UGT1A6: variants seen among roughly 807,000 people sequenced by gnomAD.
The protein encoded by UGT1A6 is UDP-glucuronosyltransferase 1A6.
UGT1A6 carries 32 observed loss-of-function variants against 44.4 expected under a neutral mutation model. The observed-to-expected ratio is 0.72, with a 90% CI of 0.54 to 0.97. The LOEUF (loss-of-function observed/expected upper bound fraction) is 0.97, where lower values mean the gene tolerates loss of function less well. Ranked by LOEUF, UGT1A6 falls within the 50% of genes least tolerant of loss-of-function variation. UGT1A6 has a pLI of 0.00. For missense variants in UGT1A6, 685 were observed against 661.9 expected, an observed-to-expected ratio of 1.03 and a Z score of -0.38; for synonymous variants, 238 against 248.5, an observed-to-expected ratio of 0.96 and a Z score of 0.40.
At chr2:233,735,560 T>C (rs1442054621) in intron 1 of UGT1A6, among the ~76,000 whole-genome samples, 1 of 152,236 alleles carries the variant, frequency 6.6e-6, no homozygotes, top group African/African-American at 2.4e-5. Flanking sequence ...ATTATGGTGT[T>C]ATCGGGTTAT....
intron 1 of UGT1A6, among the ~76,000 whole-genome samples, chr2:233,761,822 T>C (rs1451181524): frequency 6.6e-6 from 1 of 152,180 alleles, no homozygotes; most frequent in Non-Finnish European, 1.5e-5. Context: ...AGAGGCTCCT[T>C]CAGATGGAGC....
intron 1 of UGT1A6, chr2:233,747,945 G>T (rs1354187104): frequency 6.2e-7 from 1 of 1,613,364 alleles, no homozygotes; most frequent in East Asian, 2.2e-5. Flanking sequence ...GGAGGTGTCA[G>T]TGGTGGATCT....
chr2:233,712,808 G>A (rs1409482775), intron 1 of UGT1A6, among the ~76,000 whole-genome samples: 1 of 152,192 alleles, frequency 6.6e-6, no homozygotes, highest in Non-Finnish European at 1.5e-5. Context: ...CTTTCCCAGG[G>A]TGGGGCCCAT....
At chr2:233,766,684 A>G (rs935932983) in intron 1 of UGT1A6, among the ~76,000 whole-genome samples, 1 of 152,094 alleles carries the variant, frequency 6.6e-6, no homozygotes, top group Non-Finnish European at 1.5e-5. Flanking sequence ...TCCCTTCTGT[A>G]TCACTGATGC....
chr2:233,763,429 C>G (rs192488384), intron 1 of UGT1A6, among the ~76,000 whole-genome samples: 230 of 152,268 alleles, frequency 1.5e-3, no homozygotes, highest in South Asian at 0.014. Context: ...CAGGCAGTTG[C>G]TTTAATAAGT....
chr2:233,697,561 CAATTT>C (rs2075398383), intron 1 of UGT1A6, among the ~76,000 whole-genome samples: 1 of 149,770 alleles, frequency 6.7e-6, no homozygotes, highest in Admixed American at 6.6e-5. Context: ...TATTTAGCCT[CAATTT>C]AATTTATTTT....
Position 233,772,533 on chromosome 2 carries a change from A to G in UGT1A6, c.1573A>G (p.Lys525Glu). 6.2e-7 allele frequency: 1 copy of G among 1,614,214 alleles called. No homozygotes were observed. Among genetic ancestry groups the G allele is most frequent in the Non-Finnish European group, 8.5e-7 (1 of 1,180,036 alleles). ...KCLGKKGRVK[K>E]AHKSKTH ...CTTGGGGAAAAAAGGGCGAGTTAAG[A>G]AAGCCCACAAATCCAAGACCCATTG... Residue 525 changes from lysine to glutamate, a missense_variant, in exon 5 of 5, where the codon AAA (lysine) becomes GAA (glutamate). Coordinates refer to ENST00000305139, the MANE Select transcript of UGT1A6 (RefSeq NM_001072.4).
intron 1 of UGT1A6, among the ~76,000 whole-genome samples, chr2:233,759,628 CCTT>C (rs1265834229): frequency 8.9e-6 from 1 of 112,932 alleles, no homozygotes; most frequent in Admixed American, 1.4e-4. Context: ...CTGTTCATTT[CCTT>C]CTTAGCATGC....
At chr2:233,699,047 A>G (rs1251021035) in intron 1 of UGT1A6, among the ~76,000 whole-genome samples, 4 of 152,180 alleles carry the variant, frequency 2.6e-5, no homozygotes, top group Non-Finnish European at 1.5e-5. Context: ...ATGTCCTGAA[A>G]CAACTTATCC....
intron 1 of UGT1A6, among the ~76,000 whole-genome samples, chr2:233,716,751 G>C (rs900841882): frequency 3.9e-5 from 6 of 152,184 alleles, no homozygotes; most frequent in African/African-American, 1.4e-4. Context: ...GATTGGGAGA[G>C]GGGAGCTAGA....
chr2:233,736,686 T>C (rs2078793378), intron 1 of UGT1A6, among the ~76,000 whole-genome samples: 1 of 152,252 alleles, frequency 6.6e-6, no homozygotes, highest in Admixed American at 6.5e-5. Context: ...GTTGGTGACC[T>C]ACAGATGGGG....
Position 233,769,767 on chromosome 2 carries a change from A to T in UGT1A6, c.1301+1328A>T. On this transcript the variant is annotated intron_variant, in intron 4 of 4. Transcript: ENST00000305139. The surrounding 1 kb of genome is among the most constrained non-coding windows in gnomAD (Gnocchi z 4.4). The stretch of plus-strand genomic sequence containing the variant: ...CCACTCTGGAGGCTAAGGCGGGAGG[A>T]TTGCTTGAGCCCAGAAGTTGGAGGC... The T allele has an allele frequency of 7.3e-7, 1 of 1,374,514 alleles. No individual in the cohort carries two copies. Among genetic ancestry groups the T allele is most frequent in the Non-Finnish European group, 9.5e-7 (1 of 1,054,322 alleles). The allele number at this position is 1,374,514 out of a possible 1,614,324, so 85.1% of individuals were successfully genotyped here. A position where few individuals can be genotyped will look rare whatever the true frequency, so the allele number is the denominator to read the frequency against.
intron 1 of UGT1A6, among the ~76,000 whole-genome samples, chr2:233,759,575 A>G (rs1346908637): frequency 6.6e-6 from 1 of 151,414 alleles, no homozygotes; most frequent in Admixed American, 6.6e-5. Context: ...GTCATTCTCT[A>G]CCCCAGCACG....
rs147479386 is a variant in UGT1A6 at position 233,767,984 on chromosome 2, G to A, written c.1081+48G>A. The A allele has an allele frequency of 9.4e-4, 1,519 of 1,614,138 alleles. 17 individuals carry two copies. The African/African-American group carries it at 0.018, about 19-fold the overall frequency. On this transcript the variant is annotated intron_variant, in intron 3 of 4. Transcript: ENST00000305139. ...ATAGGTCAAACCAGGGTCAAATTAAGAAAATGGCTTAAGCACAGCTATTCT... is the reference window on the plus strand; with the variant it reads ...ATAGGTCAAACCAGGGTCAAATTAAAAAAATGGCTTAAGCACAGCTATTCT...
Position 233,715,888 on chromosome 2 carries a change from C to T in UGT1A6, c.861+22023C>T, listed in dbSNP as rs1156732066. 2.6e-5 allele frequency among the ~76,000 whole-genome samples: 4 copies of T among 152,168 alleles called. No homozygotes were observed. In the East Asian group the frequency reaches 7.7e-4, roughly 29 times the overall value. On this transcript the variant is annotated intron_variant, in intron 1 of 4. Coordinates refer to ENST00000305139, the MANE Select transcript of UGT1A6 (RefSeq NM_001072.4). Reference sequence around the variant, plus strand: ...TAGCTTGTGCCTGTGGCCCCAGCTACTTGGGAGGCTCAGGTGGGAGGATCA... The same window carrying T: ...TAGCTTGTGCCTGTGGCCCCAGCTATTTGGGAGGCTCAGGTGGGAGGATCA...
At chr2:233,724,493 G>A (rs1411892457) in intron 1 of UGT1A6, among the ~76,000 whole-genome samples, 16 of 76,170 alleles carry the variant, frequency 2.1e-4, no homozygotes, top group South Asian at 6.4e-4. Flanking sequence ...CGGGGCGGCC[G>A]GGCAGAGACG....
intron 1 of UGT1A6, among the ~76,000 whole-genome samples, chr2:233,723,457 G>T (rs1279798549): frequency 7.3e-6 from 1 of 136,216 alleles, no homozygotes; most frequent in African/African-American, 2.9e-5. Flanking sequence ...TGATCCACCC[G>T]CCTCAGCCTC....
chr2:233,713,346 AAT>A (rs1283931554), intron 1 of UGT1A6: 3 of 1,614,220 alleles, frequency 1.9e-6, no homozygotes, highest in Non-Finnish European at 2.5e-6. Flanking sequence ...AATTATGAAC[AAT>A]ATGTCTTTGA....
In UGT1A6 at chr2:233,692,897, G is replaced by T. The variant is rs2075119141; in HGVS notation, c.-108G>T. ...TAAAATTCAGAGCAAGGGAGAGGTA[G>T]ACAGGACCTGTGAAAAGCAGTGGTT... On this transcript the variant is annotated 5_prime_UTR_variant, in exon 1 of 5. Transcript: ENST00000305139. 5.2e-6 allele frequency: 8 copies of T among 1,538,902 alleles called. No individual in the cohort carries two copies.
Sources: allele counts gnomAD v4.1 joint callset (sites outside exome capture counted in the v4.1 genomes callset), GRCh38; gene constraint gnomAD v4.1.1; non-coding constraint Gnocchi (gnomAD v3.1); transcripts MANE v1.5; gene names NCBI Gene and HGNC (gene_info 2026-07-23, HGNC 2026-07-21).